Variants in EYA1 observed in about 807,000 individuals in gnomAD.
The protein encoded by EYA1 is protein phosphatase EYA1.
A neutral mutation model predicts 82.0 loss-of-function variants in EYA1; 16 were observed. That is an observed-to-expected ratio of 0.20 (90% CI 0.13 to 0.30). The LOEUF is 0.30. Ranked by LOEUF, EYA1 falls within the 10% of genes least tolerant of loss-of-function variation. The pLI is 1.00. For missense variants in EYA1, 633 were observed against 730.7 expected (o/e 0.87, Z 1.54); for synonymous variants, 261 against 264.4 (o/e 0.99, Z 0.12).
At chr8:71,256,887 T>C (rs1814492579) in intron 11 of EYA1, among the ~76,000 whole-genome samples, 1 of 151,762 alleles carries the variant, frequency 6.6e-6, no homozygotes, top group African/African-American at 2.4e-5. Context: ...TAATCCCAGC[T>C]ACATGGGAGG....
At chr8:71,249,953 T>A (rs928271512) in intron 11 of EYA1, among the ~76,000 whole-genome samples, 1 of 152,094 alleles carries the variant, frequency 6.6e-6, no homozygotes, top group Admixed American at 6.5e-5. Flanking sequence ...TTTAGCCCCA[T>A]ATTGAATCAA....
intron 2 of EYA1, among the ~76,000 whole-genome samples, chr8:71,484,972 T>C (rs570483814): frequency 6.6e-6 from 1 of 152,358 alleles, no homozygotes; most frequent in South Asian, 2.1e-4. Context: ...TCTGTGCCTC[T>C]AGCAGCCTTC....
Position 71,199,318 on chromosome 8 carries a change from G to T in EYA1, c.*22C>A. 6.4e-7 allele frequency: 1 copy of T among 1,554,892 alleles called. No homozygotes were observed. Among genetic ancestry groups the T allele is most frequent in the Non-Finnish European group, 8.8e-7 (1 of 1,130,674 alleles). ...GTCCCTGGTCACAGAGCAGCTGTGCGCTGTCAAAGTGCCGAGCGCTGTTAC... is the reference window on the plus strand; with the variant it reads ...GTCCCTGGTCACAGAGCAGCTGTGCTCTGTCAAAGTGCCGAGCGCTGTTAC... On this transcript the variant is annotated 3_prime_UTR_variant, in exon 18 of 18. Transcript: ENST00000340726.
rs566202871 is a variant in EYA1, at chr8:71,229,530, G to C, written c.1141-12507C>G. On this transcript the variant is annotated intron_variant, in intron 12 of 17. Coordinates refer to ENST00000340726, the MANE Select transcript of EYA1 (RefSeq NM_000503.6). ...CTGGACCAAACACATAGATATCATG[G>C]ACTGAAACCTTCTAGGTTATCTGAT... Among the ~76,000 whole-genome samples, 14 of 152,194 alleles carry C rather than the reference G, an allele frequency of 9.2e-5. No homozygotes were observed. In the East Asian group the frequency reaches 2.7e-3, roughly 29 times the overall value.
intron 16 of EYA1, 29 bp downstream of exon 16, chr8:71,215,358 T>C (rs1359063705): frequency 4.4e-6 from 7 of 1,606,886 alleles, no homozygotes; most frequent in African/African-American, 1.3e-5. Context: ...AAAGAGCTGA[T>C]TGTTAAAAAG....
chr8:71,425,291 G>GT (rs1805125016), intron 2 of EYA1, among the ~76,000 whole-genome samples: 1 of 147,146 alleles, frequency 6.8e-6, no homozygotes, highest in Non-Finnish European at 1.5e-5. Flanking sequence ...CCGTCTCAAA[G>GT]AAAAAAAAAA....
intron 2 of EYA1, among the ~76,000 whole-genome samples, chr8:71,489,602 C>G (rs1810837729): frequency 6.6e-6 from 1 of 152,192 alleles, no homozygotes; most frequent in South Asian, 2.1e-4. Context: ...TCTAGGTAGA[C>G]AGCAGAGGCC....
chr8:71,260,097 T>C (rs935887746), intron 11 of EYA1, among the ~76,000 whole-genome samples: 1 of 152,252 alleles, frequency 6.6e-6, no homozygotes, highest in African/African-American at 2.4e-5. Context: ...CTATTTTTAA[T>C]GTAGCTCTAG....
chr8:71,543,500 A>G (rs1325135842), intron 1 of EYA1, among the ~76,000 whole-genome samples: 1 of 152,192 alleles, frequency 6.6e-6, no homozygotes, highest in Non-Finnish European at 1.5e-5. Flanking sequence ...ACCATCAAGG[A>G]GGTAAGAAAC....
At position 71,540,710 on chromosome 8, in the gene EYA1, G is replaced by C. The variant is rs78330576; in HGVS notation, c.-72-4862C>G. On this transcript the variant is annotated intron_variant, in intron 1 of 18. Coordinates refer to the EYA1 transcript ENST00000643681. ...CATATTTTTCATCTCTAATGAACCAGAGACCCATCAGATACTGGAAATAAC... is the reference window on the plus strand; with the variant it reads ...CATATTTTTCATCTCTAATGAACCACAGACCCATCAGATACTGGAAATAAC... 5.9e-3 allele frequency among the ~76,000 whole-genome samples: 902 copies of C among 152,182 alleles called. 7 individuals carry two copies. The highest frequency in any genetic ancestry group is 0.02 in the African/African-American group (846 of 41,506).
At chr8:71,516,685 C>T (rs1037028013) in intron 2 of EYA1, among the ~76,000 whole-genome samples, 2 of 152,116 alleles carry the variant, frequency 1.3e-5, no homozygotes, top group Admixed American at 6.6e-5. Flanking sequence ...GCATATGAGA[C>T]AAAGCCACCT....
chr8:71,199,599 C>T (rs1343725481), intron 17 of EYA1, among the ~76,000 whole-genome samples, 179 bp from the exon 18 acceptor site: 1 of 152,170 alleles, frequency 6.6e-6, no homozygotes, highest in East Asian at 1.9e-4. Flanking sequence ...CCTAAGAATA[C>T]TGGACTGAGT....
chr8:71,244,198 G>A (rs540044590), intron 12 of EYA1, among the ~76,000 whole-genome samples: 1 of 152,260 alleles, frequency 6.6e-6, no homozygotes, highest in African/African-American at 2.4e-5. Context: ...GGATCAGCCA[G>A]AAAGTAAAGC....
At chr8:71,441,586 A>T (rs1349854172) in intron 2 of EYA1, among the ~76,000 whole-genome samples, 1 of 152,230 alleles carries the variant, frequency 6.6e-6, no homozygotes, top group East Asian at 1.9e-4. Context: ...GTATATAAAA[A>T]TAAAGAATAT....
intron 17 of EYA1, among the ~76,000 whole-genome samples, chr8:71,203,416 G>T (rs144456093): frequency 1.7e-3 from 263 of 152,284 alleles, no homozygotes; most frequent in African/African-American, 6.1e-3. Context: ...GAGGGATGAA[G>T]AATTAAAAAG....
At chr8:71,204,064 G>A (rs1056667411) in intron 17 of EYA1, 2 of 152,188 alleles carry the variant, frequency 1.3e-5, no homozygotes, top group African/African-American at 4.8e-5. Context: ...AATCTTAACA[G>A]AAATGACAGC....
chr8:71,412,529 T>C (rs1191114512), intron 2 of EYA1, among the ~76,000 whole-genome samples: 1 of 152,176 alleles, frequency 6.6e-6, no homozygotes, highest in Non-Finnish European at 1.5e-5. Flanking sequence ...CTGAGATGCT[T>C]ATGGATAAAA....
At chr8:71,540,385 C>A (rs898531771) in intron 1 of EYA1, among the ~76,000 whole-genome samples, 1 of 152,190 alleles carries the variant, frequency 6.6e-6, no homozygotes, top group East Asian at 1.9e-4. Flanking sequence ...ACAGGTAAAC[C>A]TTATCTTATT....
At chr8:71,511,300 G>A (rs948119880) in intron 2 of EYA1, among the ~76,000 whole-genome samples, 15 of 152,080 alleles carry the variant, frequency 9.9e-5, no homozygotes, top group African/African-American at 3.1e-4. Flanking sequence ...TGTGGGTAAT[G>A]AAAAACCAAA....
Sources: allele counts gnomAD v4.1 joint callset (sites outside exome capture counted in the v4.1 genomes callset), GRCh38; gene constraint gnomAD v4.1.1; transcripts MANE v1.5; gene names NCBI Gene and HGNC (gene_info 2026-07-23, HGNC 2026-07-21).